The following CNTNAP2 variants were observed in gnomAD, a reference collection of about 807,000 sequenced individuals.
The protein encoded by CNTNAP2 is contactin associated protein 2, also known as contactin-associated protein-like 2.
A neutral mutation model predicts 155.2 loss-of-function variants in CNTNAP2; 98 were observed. The observed-to-expected ratio is 0.63, with a 90% CI of 0.54 to 0.75. The LOEUF is 0.75. Among genes scored for constraint, CNTNAP2 ranks in the 30% least tolerant of loss-of-function variants. The pLI is 0.00. For synonymous variants in CNTNAP2, 651 were observed against 631.2 expected (o/e 1.03, Z -0.47); for missense variants, 1,727 against 1,688.1 (o/e 1.02, Z -0.40).
chr7:147,883,771 T>C (rs1392009717), intron 13 of CNTNAP2, among the ~76,000 whole-genome samples: 2 of 152,204 alleles, frequency 1.3e-5, no homozygotes, highest in Admixed American at 6.5e-5. Flanking sequence ...TTTTTAAAAA[T>C]GTGTTTAGAT....
intron 13 of CNTNAP2, among the ~76,000 whole-genome samples, chr7:147,712,771 C>T (rs1463178869): frequency 2.0e-5 from 3 of 152,112 alleles, no homozygotes; most frequent in African/African-American, 4.8e-5. Flanking sequence ...GGAGGGATAG[C>T]ATTAGGAGAT....
At chr7:146,855,060 A>C (rs1794949576) in intron 3 of CNTNAP2, among the ~76,000 whole-genome samples, 1 of 152,194 alleles carries the variant, frequency 6.6e-6, no homozygotes, top group Non-Finnish European at 1.5e-5. Flanking sequence ...ACTCAAACAA[A>C]ATATATAAAA....
chr7:147,027,789 G>T (rs931529694), intron 3 of CNTNAP2, among the ~76,000 whole-genome samples: 2 of 152,160 alleles, frequency 1.3e-5, no homozygotes, highest in Non-Finnish European at 2.9e-5. Flanking sequence ...CAGCACCTGG[G>T]ACATTGTGAA....
intron 1 of CNTNAP2, among the ~76,000 whole-genome samples, chr7:146,624,245 C>T (rs963928895): frequency 6.6e-6 from 1 of 151,930 alleles, no homozygotes; most frequent in African/African-American, 2.4e-5. Flanking sequence ...TTTTGAAGAG[C>T]AAATATTTTA....
At chr7:146,140,889 G>A (rs559548820) in intron 1 of CNTNAP2, among the ~76,000 whole-genome samples, 3 of 152,078 alleles carry the variant, frequency 2.0e-5, no homozygotes, top group Non-Finnish European at 2.9e-5. Context: ...TTTAGAGGGC[G>A]AAAATCGGAA....
chr7:146,941,835 A>G (rs532534160), intron 3 of CNTNAP2, among the ~76,000 whole-genome samples: 3 of 151,922 alleles, frequency 2.0e-5, no homozygotes, highest in African/African-American at 7.2e-5. Flanking sequence ...CTGGACTGTA[A>G]GATTTCTGCT....
intron 1 of CNTNAP2, among the ~76,000 whole-genome samples, chr7:146,591,519 C>T (rs1471661536): frequency 6.6e-6 from 1 of 152,096 alleles, no homozygotes; most frequent in Non-Finnish European, 1.5e-5. Context: ...TCAAACACCA[C>T]TTATTCAGCT....
intron 3 of CNTNAP2, among the ~76,000 whole-genome samples, chr7:146,859,164 T>A (rs1795048961): frequency 6.6e-6 from 1 of 152,176 alleles, no homozygotes; most frequent in African/African-American, 2.4e-5. Context: ...TTAGAAAATG[T>A]GTTTCAATTT....
At chr7:148,010,026 T>C (rs1279708594) in intron 15 of CNTNAP2, among the ~76,000 whole-genome samples, 3 of 152,118 alleles carry the variant, frequency 2.0e-5, no homozygotes, top group Non-Finnish European at 4.4e-5. Flanking sequence ...TTTCCCAATT[T>C]ACACTTTCAA....
intron 11 of CNTNAP2, among the ~76,000 whole-genome samples, chr7:147,520,613 G>A (rs932068733): frequency 1.3e-5 from 2 of 152,154 alleles, no homozygotes; most frequent in Non-Finnish European, 2.9e-5. Flanking sequence ...AGAAAGGTCT[G>A]CATTTGGTGT....
At chr7:146,695,730 T>G (rs1197110729) in intron 1 of CNTNAP2, among the ~76,000 whole-genome samples, 7 of 152,148 alleles carry the variant, frequency 4.6e-5, no homozygotes, top group African/African-American at 1.4e-4. Context: ...CCAGGCCAAT[T>G]AATGTTTAAT....
chr7:147,237,049 C>CTTT lies in CNTNAP2; in HGVS notation c.1349-63058_1349-63056dup, dbSNP rs548220734. ...CCACTTCCTTTAGCCTTCACCTCCTCTTTTTTTTTTTTTTTTTTTTTTTTT... is the reference window on the plus strand; with the variant it reads ...CCACTTCCTTTAGCCTTCACCTCCTCTTTTTTTTTTTTTTTTTTTTTTTTTTTT... On this transcript the variant is annotated intron_variant, in intron 8 of 23. Transcript: ENST00000361727. Among the ~76,000 whole-genome samples, 91 of 57,474 alleles carry CTTT rather than the reference C, an allele frequency of 1.6e-3. 13 individuals are homozygous for CTTT. The highest frequency in any genetic ancestry group is 2.4e-3 in the African/African-American group (35 of 14,820). The allele number at this position is 57,474 out of a possible 152,430, so 37.7% of individuals were successfully genotyped here.
chr7:147,679,184 A>C (rs1308875046), intron 13 of CNTNAP2, among the ~76,000 whole-genome samples: 1 of 151,956 alleles, frequency 6.6e-6, no homozygotes, highest in Non-Finnish European at 1.5e-5. Flanking sequence ...CTTATAGTGC[A>C]ATCCATTATC....
chr7:147,300,915 A>T (rs1794935252), intron 9 of CNTNAP2, among the ~76,000 whole-genome samples: 1 of 152,160 alleles, frequency 6.6e-6, no homozygotes, highest in South Asian at 2.1e-4. Flanking sequence ...AAGGAAAGAA[A>T]GAGAGGAGGG....
intron 12 of CNTNAP2, among the ~76,000 whole-genome samples, chr7:147,563,938 G>A (rs979285460): frequency 1.3e-5 from 2 of 152,144 alleles, no homozygotes; most frequent in Non-Finnish European, 2.9e-5. Flanking sequence ...CAGAATGAAA[G>A]GGAAAATGAT....
At chr7:146,722,973 C>A (rs1801365069) in intron 1 of CNTNAP2, among the ~76,000 whole-genome samples, 1 of 152,016 alleles carries the variant, frequency 6.6e-6, no homozygotes, top group African/African-American at 2.4e-5. Flanking sequence ...CAAGATTGTG[C>A]CACTGCACTC....
intron 1 of CNTNAP2, among the ~76,000 whole-genome samples, chr7:146,648,366 T>C (rs1243018370): frequency 6.6e-6 from 1 of 152,142 alleles, no homozygotes; most frequent in African/African-American, 2.4e-5. Context: ...CTTTTCTCTT[T>C]GTAGTTATAA....
At chr7:147,486,133 C>T in intron 11 of CNTNAP2, 92 bp downstream of exon 11, 2 of 965,362 alleles carry the variant, frequency 2.1e-6, no homozygotes, top group South Asian at 2.8e-5. Context: ...CTGAATAATC[C>T]ACATAATACA....
intron 9 of CNTNAP2, among the ~76,000 whole-genome samples, chr7:147,348,770 T>TA (rs955602259): frequency 3.2e-4 from 49 of 151,950 alleles, no homozygotes; most frequent in Admixed American, 2.9e-3. Context: ...ATGAATGAGC[T>TA]AAAAAATGCG....
Sources: gnomAD v4.1 joint callset for allele counts (sites outside exome capture counted in the v4.1 genomes callset) on GRCh38, gnomAD v4.1.1 for gene constraint, MANE v1.5 for transcripts, NCBI Gene and HGNC (gene_info 2026-07-23, HGNC 2026-07-21) for gene names.